Variants in ARHGAP44 observed in about 807,000 individuals in gnomAD.
The protein encoded by ARHGAP44 is rho GTPase-activating protein 44.
Under a neutral mutation model 106.8 loss-of-function variants are expected in ARHGAP44, and 43 were observed. The observed-to-expected ratio is 0.40, with a 90% CI of 0.32 to 0.52. The LOEUF (loss-of-function observed/expected upper bound fraction) is 0.52. Ranked by LOEUF, ARHGAP44 falls within the 20% of genes least tolerant of loss-of-function variation. The pLI is 0.48. For synonymous variants in ARHGAP44, 439 were observed against 410.3 expected, an observed-to-expected ratio of 1.07 and a Z score of -0.85; for missense variants, 866 against 1,050.5, an observed-to-expected ratio of 0.82 and a Z score of 2.43.
At chr17:12,942,967 G>C (rs1335260439) in intron 8 of ARHGAP44, among the ~76,000 whole-genome samples, 2 of 152,204 alleles carry the variant, frequency 1.3e-5, no homozygotes, top group Non-Finnish European at 2.9e-5. Context: ...TTTCTGATCA[G>C]TTATATGTTA....
At chr17:12,899,841 A>G (rs1598020484) in intron 3 of ARHGAP44, among the ~76,000 whole-genome samples, 1 of 152,324 alleles carries the variant, frequency 6.6e-6, no homozygotes, top group East Asian at 1.9e-4. Flanking sequence ...CTACTTGAGT[A>G]CGTGTAAGTT....
intron 18 of ARHGAP44, among the ~76,000 whole-genome samples, chr17:12,979,755 G>A (rs1452722337): frequency 4.6e-5 from 7 of 152,200 alleles, no homozygotes; most frequent in African/African-American, 7.2e-5. Context: ...AGGTGCTCAG[G>A]CCCCTGCCCT....
intron 1 of ARHGAP44, among the ~76,000 whole-genome samples, chr17:12,808,213 C>T (rs2034335206): frequency 6.6e-6 from 1 of 152,210 alleles, no homozygotes; most frequent in Non-Finnish European, 1.5e-5. Flanking sequence ...GCATTGAGTG[C>T]AGCTTTTCCA....
intron 1 of ARHGAP44, among the ~76,000 whole-genome samples, chr17:12,865,155 T>G (rs1175315325): frequency 1.3e-5 from 2 of 152,174 alleles, no homozygotes. Flanking sequence ...ATTTTATGGA[T>G]AAAGAGAAAG....
chr17:12,956,638 C>T lies in ARHGAP44; in HGVS notation c.1251-17C>T. ...GCTGCTAACTCCACCCTGTTTGCCT[C>T]TGCTCTCTGCTTACAGGAACATTAC... On this transcript the variant is annotated splice_polypyrimidine_tract_variant and intron_variant, in intron 14 of 20. Transcript: ENST00000379672. 1 of 1,611,616 alleles carries T rather than the reference C, an allele frequency of 6.2e-7. No individual in the cohort carries two copies. The highest frequency in any genetic ancestry group is 8.5e-7 in the Non-Finnish European group (1 of 1,177,878).
At chr17:12,823,004 C>A (rs1420876092) in intron 1 of ARHGAP44, among the ~76,000 whole-genome samples, 1 of 152,122 alleles carries the variant, frequency 6.6e-6, no homozygotes, top group Non-Finnish European at 1.5e-5. Context: ...CAGAAATCGG[C>A]CTGGGTAAAA....
At chr17:12,890,432 A>G (rs1365812169) in intron 1 of ARHGAP44, among the ~76,000 whole-genome samples, 3 of 152,194 alleles carry the variant, frequency 2.0e-5, no homozygotes, top group Non-Finnish European at 2.9e-5. Context: ...AGCCCAGACT[A>G]CACTTGGGGT....
At chr17:12,798,249 A>C (rs997836319) in intron 1 of ARHGAP44, among the ~76,000 whole-genome samples, 1 of 152,192 alleles carries the variant, frequency 6.6e-6, no homozygotes, top group African/African-American at 2.4e-5. Context: ...ATATCATGGC[A>C]ATATGTGGGC....
rs1047964365 is a variant in ARHGAP44 at position 12,967,861 on chromosome 17, G to C, written c.1524-5441G>C. ...AGTTCTTCTCTTTCTACTTCTCCCT[G>C]CTTACACGGTGTGAAAGTCATAACC... On this transcript the variant is annotated intron_variant, in intron 16 of 20. Coordinates refer to ENST00000379672, the MANE Select transcript of ARHGAP44 (RefSeq NM_014859.6). 2.6e-5 allele frequency among the ~76,000 whole-genome samples: 4 copies of C among 152,102 alleles called. 1 individual carries two copies. The highest frequency in any genetic ancestry group is 5.9e-5 in the Non-Finnish European group (4 of 68,028).
intron 1 of ARHGAP44, among the ~76,000 whole-genome samples, chr17:12,843,651 CTTTT>C (rs146749216): frequency 1.0e-5 from 1 of 97,126 alleles, no homozygotes; most frequent in Non-Finnish European, 1.9e-5. Flanking sequence ...GTATTGGTTA[CTTTT>C]TTTTTTTTTT....
At chr17:12,868,720 C>T (rs189496871) in intron 1 of ARHGAP44, among the ~76,000 whole-genome samples, 3,436 of 149,298 alleles carry the variant, frequency 0.023, 143 homozygotes, top group African/African-American at 0.079. Context: ...TGCAATGGCG[C>T]GATCTTGGCT....
Position 12,841,594 on chromosome 17 carries a change from T to TCTCTCTCTCTCACACACACA in ARHGAP44, c.53+51704_53+51705insTCTCTCTCTCACACACACAC, listed in dbSNP as rs1417307080. On this transcript the variant is annotated intron_variant, in intron 1 of 20. Coordinates refer to ENST00000379672, the MANE Select transcript of ARHGAP44 (RefSeq NM_014859.6). ...GAGACCCTGTCTCTCTGTCTCTCTC[T>TCTCTCTCTCTCACACACACA]CACACACACACACACACACACACAC... Among the ~76,000 whole-genome samples the TCTCTCTCTCTCACACACACA allele has an allele frequency of 6.5e-3, 821 of 126,294 alleles. 3 individuals carry two copies. The highest frequency in any genetic ancestry group is 8.9e-3 in the East Asian group (34 of 3,818). 82.9% of individuals were successfully genotyped at this position (126,294 alleles called of 152,430 possible).
intron 1 of ARHGAP44, among the ~76,000 whole-genome samples, chr17:12,836,797 G>A (rs1288495842): frequency 6.6e-6 from 1 of 152,166 alleles, no homozygotes; most frequent in Non-Finnish European, 1.5e-5. Flanking sequence ...TAGAACTGAA[G>A]GATCAGGCAG....
intron 1 of ARHGAP44, among the ~76,000 whole-genome samples, chr17:12,854,733 C>T (rs575705253): frequency 2.2e-4 from 33 of 152,022 alleles, no homozygotes; most frequent in African/African-American, 6.3e-4. Context: ...CTGAGGCGGG[C>T]GGATCACCTT....
At chr17:12,824,086 G>T (rs1439515378) in intron 1 of ARHGAP44, among the ~76,000 whole-genome samples, 1 of 151,822 alleles carries the variant, frequency 6.6e-6, no homozygotes, top group Non-Finnish European at 1.5e-5. Flanking sequence ...ACTCCTTATT[G>T]GTCTCCAGTG....
intron 1 of ARHGAP44, among the ~76,000 whole-genome samples, chr17:12,858,439 T>G (rs1164166053): frequency 1.3e-5 from 2 of 152,238 alleles, no homozygotes; most frequent in Admixed American, 6.5e-5. Context: ...CTTTTGTATC[T>G]GTAAGCATGA....
Position 12,991,310 on chromosome 17 carries a change from A to C in ARHGAP44, c.*1139A>C, listed in dbSNP as rs2040137283. The C allele has an allele frequency of 6.5e-6, 1 of 152,680 alleles. No homozygotes were observed. Among genetic ancestry groups the C allele is most frequent in the Non-Finnish European group, 1.5e-5 (1 of 68,090 alleles). The allele number at this position is 152,680 out of a possible 1,614,324, so 9.5% of individuals were successfully genotyped here. A position where few individuals can be genotyped will look rare whatever the true frequency, so the allele number is the denominator to read the frequency against. ...TTATCCTTTTCAAATAGATGATATA[A>C]TATACCTATACATGATATAATATTT... On this transcript the variant is annotated 3_prime_UTR_variant, in exon 21 of 21. Transcript: ENST00000379672.
intron 4 of ARHGAP44, among the ~76,000 whole-genome samples, chr17:12,910,657 A>G (rs1393575647): frequency 6.6e-6 from 1 of 151,746 alleles, no homozygotes; most frequent in Non-Finnish European, 1.5e-5. Context: ...TGCTGGCCAG[A>G]CTGGTCATGA....
At chr17:12,918,086 C>T (rs2037969990) in intron 5 of ARHGAP44, among the ~76,000 whole-genome samples, 1 of 152,192 alleles carries the variant, frequency 6.6e-6, no homozygotes, top group South Asian at 2.1e-4. Flanking sequence ...TTCACGAGGT[C>T]CCCTCTGTGC....
Sources: gnomAD v4.1 joint callset for allele counts (sites outside exome capture counted in the v4.1 genomes callset) on GRCh38, gnomAD v4.1.1 for gene constraint, MANE v1.5 for transcripts, NCBI Gene and HGNC (gene_info 2026-07-23, HGNC 2026-07-21) for gene names.